CD34: variants seen among roughly 807,000 people sequenced by gnomAD.
CD34 encodes the protein CD34 molecule.
Under a neutral mutation model 40.1 loss-of-function variants are expected in CD34, and 34 were observed. The ratio of observed to expected loss-of-function variants is 0.85; its 90% CI spans 0.65 to 1.13. CD34 has a LOEUF of 1.13. Among genes scored for constraint, CD34 ranks in the 50% most tolerant of loss-of-function variants. CD34 has a pLI of 0.00. For synonymous variants in CD34, 209 were observed against 190.0 expected, an observed-to-expected ratio of 1.10 and a Z score of -0.82; for missense variants, 426 against 466.9, an observed-to-expected ratio of 0.91 and a Z score of 0.81.
chr1:207,887,717 G>A lies in CD34; in HGVS notation c.*21C>T, dbSNP rs747433559. The A allele has an allele frequency of 6.2e-7, 1 of 1,613,996 alleles. No individual in the cohort carries two copies. The highest frequency in any genetic ancestry group is 8.5e-7 in the Non-Finnish European group (1 of 1,179,952). On this transcript the variant is annotated 3_prime_UTR_variant, in exon 8 of 8. Coordinates refer to ENST00000310833, the MANE Select transcript of CD34 (RefSeq NM_001025109.2). ...GGGGTGCTCTCTCGGACACTGCCCA[G>A]CCTTGCCCCACCTAGCCGAGTCACA...
chr1:207,892,592 A>C (rs1422141685), intron 4 of CD34, among the ~76,000 whole-genome samples: 1 of 152,132 alleles, frequency 6.6e-6, no homozygotes, highest in Non-Finnish European at 1.5e-5. Context: ...TCTCAAAAAA[A>C]AAAAAGTGTC....
intron 1 of CD34, among the ~76,000 whole-genome samples, chr1:207,910,319 A>G (rs1423935092): frequency 6.6e-6 from 1 of 152,202 alleles, no homozygotes; most frequent in Non-Finnish European, 1.5e-5. Flanking sequence ...GGCTGGGCGC[A>G]GAGCAAATTC....
At chr1:207,891,898 T>TGAGGA (rs2102297145) in intron 4 of CD34, among the ~76,000 whole-genome samples, 1 of 152,104 alleles carries the variant, frequency 6.6e-6, no homozygotes, top group South Asian at 2.1e-4. Flanking sequence ...CTAAGGAGCG[T>TGAGGA]GAGGACACGT....
intron 7 of CD34, 192 bp from the exon 8 acceptor site, chr1:207,888,115 G>A: frequency 6.2e-7 from 1 of 1,613,942 alleles, no homozygotes; most frequent in South Asian, 1.1e-5. Context: ...CAGGGTTCCA[G>A]CTCCTAGAGG....
At chr1:207,907,194 C>A (rs902479543) in intron 1 of CD34, among the ~76,000 whole-genome samples, 2 of 152,092 alleles carry the variant, frequency 1.3e-5, no homozygotes, top group Non-Finnish European at 2.9e-5. Flanking sequence ...AATGGCATAA[C>A]CCTGAAATAT....
chr1:207,899,696 G>C, intron 2 of CD34, 125 bp downstream of exon 2: 1 of 835,674 alleles, frequency 1.2e-6, no homozygotes, highest in Non-Finnish European at 1.9e-6. Flanking sequence ...TGATACTCAA[G>C]TCATTAATAC....
Position 207,887,662 on chromosome 1 carries a change from A to G in CD34, c.*76T>C. The G allele has an allele frequency of 6.3e-7, 1 of 1,583,402 alleles. No individual in the cohort carries two copies. Among genetic ancestry groups the G allele is most frequent in the Non-Finnish European group, 8.6e-7 (1 of 1,162,048 alleles). Reference sequence around the variant, plus strand: ...GGGCGTAAGAGATGTCACCTCCAGCATGGGGGTAGCACGTGGTCAGATGCA... The same window carrying G: ...GGGCGTAAGAGATGTCACCTCCAGCGTGGGGGTAGCACGTGGTCAGATGCA... On this transcript the variant is annotated 3_prime_UTR_variant, in exon 8 of 8. Transcript: ENST00000310833.
chr1:207,888,842 C>T lies in CD34; in HGVS notation c.812G>A (p.Gly271Glu), dbSNP rs1171914037. 1.2e-6 allele frequency: 2 copies of T among 1,613,978 alleles called. No individual in the cohort carries two copies. Among genetic ancestry groups the T allele is most frequent in the Admixed American group, 1.7e-5 (1 of 59,990 alleles). ...ATCTTGCTCAGTGAAATCTAGGATCCCCAGCTTGAAAAGAAGACAAAGAAG... is the reference window on the plus strand; with the variant it reads ...ATCTTGCTCAGTGAAATCTAGGATCTCCAGCTTGAAAAGAAGACAAAGAAG... ...KKHQSDLKKL[G>E]ILDFTEQDVA... The change falls in exon 7 of 8, where the codon GGG (glycine) becomes GAG (glutamate). Residue 271 changes from glycine (G) to glutamate (E), a missense_variant. Gly to Glu is a moderately conservative substitution (Grantham distance 98). Coordinates refer to ENST00000310833, the MANE Select transcript of CD34 (RefSeq NM_001025109.2).
intron 6 of CD34, 43 bp downstream of exon 6, chr1:207,889,118 G>T: frequency 8.2e-7 from 1 of 1,220,208 alleles, no homozygotes; most frequent in Non-Finnish European, 1.2e-6. Context: ...GAGCCCCCCT[G>T]CCCCGGCATT....
intron 5 of CD34, 51 bp from the exon 6 acceptor site, chr1:207,889,264 T>G: frequency 6.2e-7 from 1 of 1,613,604 alleles, no homozygotes; most frequent in Non-Finnish European, 8.5e-7. Context: ...CAGCTTATCC[T>G]GCTCCACCCT....
chr1:207,898,549 C>A (rs942047251), intron 3 of CD34, among the ~76,000 whole-genome samples: 2 of 152,218 alleles, frequency 1.3e-5, no homozygotes, highest in Admixed American at 1.3e-4. Context: ...GTGCCTGGCA[C>A]AACCACCAAA....
intron 7 of CD34, 149 bp downstream of exon 7, chr1:207,888,533 G>A (rs1336641732): frequency 1.2e-5 from 10 of 800,214 alleles, no homozygotes; most frequent in Non-Finnish European, 2.1e-5. Context: ...ATCTTCCACC[G>A]ATTACTGTGT....
intron 4 of CD34, among the ~76,000 whole-genome samples, chr1:207,893,473 AG>A (rs1404020291): frequency 3.3e-5 from 5 of 152,196 alleles, no homozygotes; most frequent in Non-Finnish European, 4.4e-5. Context: ...GGAATAATGA[AG>A]GGACCTGTTT....
intron 2 of CD34, among the ~76,000 whole-genome samples, chr1:207,899,450 T>C (rs1558121413): frequency 6.6e-6 from 1 of 152,202 alleles, no homozygotes; most frequent in Non-Finnish European, 1.5e-5. Flanking sequence ...GATGCTGGTC[T>C]ACCTTAGAGA....
Position 207,897,550 on chromosome 1 carries a change from G to A in CD34, c.540C>T (p.Ile180=). 1.3e-6 allele frequency: 2 copies of A among 1,556,978 alleles called. No homozygotes were observed. Among genetic ancestry groups the A allele is most frequent in the Non-Finnish European group, 1.7e-6 (2 of 1,148,850 alleles). ...DIKAEIKCSG[I]REVKLTQGIC... ...TGCCCTGAGTCAATTTCACTTCTCT[G>A]ATGCCTGAACATTTGATTTCTGCCT... Residue 180 remains isoleucine (I), a synonymous_variant, in exon 4 of 8, where the codon ATC becomes ATT. Transcript: ENST00000310833.
At chr1:207,906,610 C>T (rs1270707104) in intron 1 of CD34, among the ~76,000 whole-genome samples, 2 of 152,050 alleles carry the variant, frequency 1.3e-5, no homozygotes, top group Non-Finnish European at 1.5e-5. Context: ...TTTGGGAGGC[C>T]GATGTGGGTG....
At chr1:207,907,273 A>G (rs1027795739) in intron 1 of CD34, among the ~76,000 whole-genome samples, 4 of 151,928 alleles carry the variant, frequency 2.6e-5, no homozygotes, top group Admixed American at 6.6e-5. Context: ...TCCATCCTCC[A>G]CCCACCACTG....
rs559263794 is a variant in CD34 at position 207,897,772 on chromosome 1, A to C, written c.517-199T>G. ...TCTCGTCTATTTCATATCTATCCTC[A>C]TCAGATGACAAAACTTTTGTTACTA... On this transcript the variant is annotated intron_variant, in intron 3 of 7. Coordinates refer to ENST00000310833, the MANE Select transcript of CD34 (RefSeq NM_001025109.2). Among the ~76,000 whole-genome samples the C allele has an allele frequency of 1.1e-3, 164 of 152,338 alleles. 1 individual carries two copies. The highest frequency in any genetic ancestry group is 3.7e-3 in the African/African-American group (154 of 41,576).
At chr1:207,895,135 C>A (rs1234433580) in intron 4 of CD34, among the ~76,000 whole-genome samples, 1 of 152,162 alleles carries the variant, frequency 6.6e-6, no homozygotes, top group East Asian at 1.9e-4. Flanking sequence ...AAGTACAAAT[C>A]CAACCTAAGG....
Sources: allele counts gnomAD v4.1 joint callset (sites outside exome capture counted in the v4.1 genomes callset), GRCh38; gene constraint gnomAD v4.1.1; transcripts MANE v1.5; gene names NCBI Gene and HGNC (gene_info 2026-07-23, HGNC 2026-07-21).